Variants in COL4A3 observed in about 807,000 individuals in gnomAD.
The protein encoded by COL4A3 is collagen type IV alpha 3 chain.
Under a neutral mutation model 217.4 loss-of-function variants are expected in COL4A3, and 135 were observed. The observed-to-expected ratio is 0.62, with a 90% CI of 0.54 to 0.72. The LOEUF is 0.72. Ranked by LOEUF, COL4A3 falls within the 30% of genes least tolerant of loss-of-function variation. COL4A3 has a pLI of 0.00. For missense variants in COL4A3, 1,868 were observed against 2,119.9 expected (o/e 0.88, Z 2.33); for synonymous variants, 690 against 736.3 (o/e 0.94, Z 1.02).
chr2:227,297,909 C>T (rs1470839304), intron 42 of COL4A3, 50 bp downstream of exon 42: 8 of 1,544,200 alleles, frequency 5.2e-6, no homozygotes, highest in Non-Finnish European at 6.1e-6. Flanking sequence ...TCATGTTTGA[C>T]CTCAAAAGTT....
At chr2:227,238,461 A>C (rs2068825017) in intron 2 of COL4A3, among the ~76,000 whole-genome samples, 1 of 152,216 alleles carries the variant, frequency 6.6e-6, no homozygotes, top group Admixed American at 6.5e-5. Flanking sequence ...CTGGTGGAGA[A>C]ATCCCACAGC....
In COL4A3 at chr2:227,290,056, T is replaced by C; in HGVS notation, c.3038T>C (p.Ile1013Thr). The C allele has an allele frequency of 6.2e-7, 1 of 1,614,186 alleles. No individual in the cohort carries two copies. Among genetic ancestry groups the C allele is most frequent in the Non-Finnish European group, 8.5e-7 (1 of 1,180,018 alleles). Residue 1013 changes from isoleucine (I) to threonine (T), a missense_variant, in exon 36 of 52, where the codon ATA (isoleucine) becomes ACA (threonine). Coordinates refer to ENST00000396578, the MANE Select transcript of COL4A3 (RefSeq NM_000091.5). Reference sequence around the variant, plus strand: ...CCTGGAGAACCAGGACTGCGTGGTATACCAGGAAGCATGGGGAACATGGGC... The same window carrying C: ...CCTGGAGAACCAGGACTGCGTGGTACACCAGGAAGCATGGGGAACATGGGC... ...GNPGEPGLRG[I>T]PGSMGNMGMP...
At chr2:227,252,068 CAAA>C (rs796320850) in intron 11 of COL4A3, among the ~76,000 whole-genome samples, 22 of 34,838 alleles carry the variant, frequency 6.3e-4, no homozygotes, top group Middle Eastern at 0.024. Flanking sequence ...GGCACCATCT[CAAA>C]AAAAAAAAAA....
intron 4 of COL4A3, 42 bp from the exon 5 acceptor site, chr2:227,244,908 GT>G (rs376754524): frequency 1.3e-3 from 1,714 of 1,299,944 alleles, no homozygotes; most frequent in African/African-American, 3.1e-3. Flanking sequence ...CATTTTTAAA[GT>G]TTTTTTTTTT....
intron 1 of COL4A3, among the ~76,000 whole-genome samples, chr2:227,183,598 A>G (rs1328179613): frequency 6.6e-6 from 1 of 152,086 alleles, no homozygotes; most frequent in Non-Finnish European, 1.5e-5. Flanking sequence ...GGCCAAAAGG[A>G]CTCCAAACCA....
At chr2:227,232,663 TA>T (rs1305447131) in intron 1 of COL4A3, among the ~76,000 whole-genome samples, 1 of 152,214 alleles carries the variant, frequency 6.6e-6, no homozygotes, top group African/African-American at 2.4e-5. Flanking sequence ...TTGCTATCTG[TA>T]TGTCTTCTTT....
chr2:227,303,755 C>T, intron 44 of COL4A3, 104 bp from the exon 45 acceptor site: 3 of 1,125,828 alleles, frequency 2.7e-6, no homozygotes, highest in East Asian at 2.4e-5. Context: ...ACAGAGCCTC[C>T]AGGCACACTT....
chr2:227,291,576 A>AAC (rs2072731731), intron 37 of COL4A3, among the ~76,000 whole-genome samples: 1 of 26,478 alleles, frequency 3.8e-5, no homozygotes, highest in African/African-American at 1.4e-4. Context: ...AAAAAAAAAA[A>AAC]AAACAAAAAA....
At chr2:227,244,924 A>C in intron 4 of COL4A3, 27 bp from the exon 5 acceptor site, 1 of 1,603,358 alleles carries the variant, frequency 6.2e-7, no homozygotes, top group Non-Finnish European at 8.5e-7. Context: ...TTTTTTTGCC[A>C]CCCCCTCCTT....
At chr2:227,178,874 G>C (rs918195262) in intron 1 of COL4A3, among the ~76,000 whole-genome samples, 1 of 151,726 alleles carries the variant, frequency 6.6e-6, no homozygotes, top group Non-Finnish European at 1.5e-5. Context: ...CATCAAATTA[G>C]TAGAGAAAGT....
rs2073722308 is a variant in COL4A3, at chr2:227,311,047, T to C, written c.4928+99T>C. ...TCAACGAGTAGCCATGATTTTGTAC[T>C]ACTGTGCCAATAAAGACAAAATATG... On this transcript the variant is annotated intron_variant, in intron 51 of 51. Coordinates refer to ENST00000396578, the MANE Select transcript of COL4A3 (RefSeq NM_000091.5). The C allele has an allele frequency of 5.4e-6, 7 of 1,290,030 alleles. No individual in the cohort carries two copies. In the South Asian group the frequency reaches 7.2e-5, roughly 13 times the overall value. 79.9% of individuals were successfully genotyped at this position (1,290,030 alleles called of 1,614,324 possible).
At chr2:227,290,692 A>T in intron 36 of COL4A3, 55 bp from the exon 37 acceptor site, 3 of 1,581,062 alleles carry the variant, frequency 1.9e-6, no homozygotes, top group Non-Finnish European at 2.6e-6. Context: ...AAAGTAGAAA[A>T]CTTCAAGATC....
At chr2:227,297,938 T>A in intron 42 of COL4A3, 79 bp downstream of exon 42, 1 of 1,437,084 alleles carries the variant, frequency 7.0e-7, no homozygotes. Flanking sequence ...CCTCCTCATG[T>A]TACCTTGTTG....
chr2:227,242,779 C>T (rs1324144673), intron 3 of COL4A3, among the ~76,000 whole-genome samples: 1 of 152,198 alleles, frequency 6.6e-6, no homozygotes, highest in Non-Finnish European at 1.5e-5. Flanking sequence ...TCTTATGTCA[C>T]ATATATGATG....
rs773944667 is a variant in COL4A3 at position 227,237,773 on chromosome 2, A to G, written c.88-195A>G. 6.1e-4 allele frequency: 324 copies of G among 528,266 alleles called. 1 individual carries two copies. The highest frequency in any genetic ancestry group is 9.5e-4 in the Non-Finnish European group (267 of 281,448). The allele number at this position is 528,266 out of a possible 1,614,324, so 32.7% of individuals were successfully genotyped here. ...ATCCGACATTTCTCCCTTATGCAAC[A>G]TGTTCTCAGTTTTCTACTTTATTGC... is the stretch of plus-strand genomic sequence containing the variant. On this transcript the variant is annotated intron_variant, in intron 1 of 51. Coordinates refer to ENST00000396578, the MANE Select transcript of COL4A3 (RefSeq NM_000091.5).
intron 47 of COL4A3, among the ~76,000 whole-genome samples, chr2:227,306,704 G>C (rs1361851380): frequency 6.6e-6 from 1 of 152,110 alleles, no homozygotes; most frequent in Non-Finnish European, 1.5e-5. Flanking sequence ...GGAAAGTCCT[G>C]ACTTCCGAGT....
At chr2:227,293,689 A>C in intron 38 of COL4A3, 1 of 481,050 alleles carries the variant, frequency 2.1e-6, no homozygotes, top group Non-Finnish European at 4.3e-6. Flanking sequence ...ATGTTAGCCA[A>C]AAGGCTGAGA....
chr2:227,307,360 T>C (rs2073550650), intron 47 of COL4A3, among the ~76,000 whole-genome samples: 1 of 152,196 alleles, frequency 6.6e-6, no homozygotes, highest in South Asian at 2.1e-4. Context: ...ATTTGATTTT[T>C]CCCCCATCAC....
At position 227,247,578 on chromosome 2, in the gene COL4A3, A is replaced by G; in HGVS notation, c.462A>G (p.Gly154=). 6.2e-7 allele frequency: 1 copy of G among 1,614,048 alleles called. No homozygotes were observed. Among genetic ancestry groups the G allele is most frequent in the Non-Finnish European group, 8.5e-7 (1 of 1,179,942 alleles). Residue 154 remains glycine (G), a synonymous_variant, in exon 8 of 52, where the codon GGA becomes GGG. Coordinates refer to ENST00000396578, the MANE Select transcript of COL4A3 (RefSeq NM_000091.5). ...PGIPGAAGLK[G]QKGAPAKEED... ...CCTAGGGTGCTGCTGGTTTGAAAGG[A>G]CAAAAGGTAAGTCATTGGTGGAATG...
Sources: allele counts gnomAD v4.1 joint callset (sites outside exome capture counted in the v4.1 genomes callset), GRCh38; gene constraint gnomAD v4.1.1; transcripts MANE v1.5; gene names NCBI Gene and HGNC (gene_info 2026-07-23, HGNC 2026-07-21).